Variants in SEMA5A observed in about 807,000 individuals in gnomAD.
SEMA5A encodes the protein semaphorin 5A.
SEMA5A carries 55 observed loss-of-function variants against 135.5 expected under a neutral mutation model. That is an observed-to-expected ratio of 0.41 (90% CI 0.33 to 0.51). SEMA5A has a LOEUF of 0.51. SEMA5A is among the 20% of genes least tolerant of loss of function. The pLI is 0.37. For synonymous variants in SEMA5A, 580 were observed against 546.5 expected, an observed-to-expected ratio of 1.06 and a Z score of -0.85; for missense variants, 1,290 against 1,419.9, an observed-to-expected ratio of 0.91 and a Z score of 1.47.
chr5:9,062,562 C>A (rs1401935790), intron 18 of SEMA5A, among the ~76,000 whole-genome samples: 1 of 152,152 alleles, frequency 6.6e-6, no homozygotes, highest in African/African-American at 2.4e-5. Flanking sequence ...ATCTCCTGGA[C>A]TACAGAAATC....
At chr5:9,183,793 T>C (rs994760646) in intron 11 of SEMA5A, among the ~76,000 whole-genome samples, 7 of 152,238 alleles carry the variant, frequency 4.6e-5, no homozygotes, top group Admixed American at 1.3e-4. Context: ...GTTTTTGTTC[T>C]GATTTTCTTC....
chr5:9,434,419 A>G (rs941998676), intron 2 of SEMA5A, among the ~76,000 whole-genome samples: 1 of 152,134 alleles, frequency 6.6e-6, no homozygotes, highest in Non-Finnish European at 1.5e-5. Flanking sequence ...CACTACATTA[A>G]TGCACTTTAA....
At chr5:9,326,517 G>C (rs1307458219) in intron 4 of SEMA5A, among the ~76,000 whole-genome samples, 1 of 151,826 alleles carries the variant, frequency 6.6e-6, no homozygotes, top group Non-Finnish European at 1.5e-5. Context: ...GCCTCCCAAA[G>C]TGCTGGGATT....
At chr5:9,300,186 C>T (rs1344440604) in intron 5 of SEMA5A, among the ~76,000 whole-genome samples, 1 of 152,096 alleles carries the variant, frequency 6.6e-6, no homozygotes, top group Non-Finnish European at 1.5e-5. Flanking sequence ...CCCCACCACA[C>T]CTGACTAATT....
chr5:9,057,134 T>A (rs1736936437), intron 18 of SEMA5A, among the ~76,000 whole-genome samples: 1 of 152,100 alleles, frequency 6.6e-6, no homozygotes, highest in South Asian at 2.1e-4. Context: ...GAGAGGGAAG[T>A]GGGGAATTGC....
intron 18 of SEMA5A, among the ~76,000 whole-genome samples, chr5:9,058,899 C>A (rs1253463062): frequency 6.6e-6 from 1 of 152,170 alleles, no homozygotes; most frequent in Non-Finnish European, 1.5e-5. Flanking sequence ...CTGCCCCCTG[C>A]CTGGCTCCAC....
intron 21 of SEMA5A, among the ~76,000 whole-genome samples, chr5:9,047,100 G>T (rs149852622): frequency 6.6e-6 from 1 of 152,254 alleles, no homozygotes; most frequent in South Asian, 2.1e-4. Context: ...TAACAATGAC[G>T]CTATACTTAG....
rs545852401 is a variant in SEMA5A, at chr5:9,294,947, A to G, written c.270+23425T>C. Among the ~76,000 whole-genome samples, 482 of 152,170 alleles carry G rather than the reference A, an allele frequency of 3.2e-3. 1 individual carries two copies. The highest frequency in any genetic ancestry group is 5.3e-3 in the Non-Finnish European group (360 of 67,998). ...AGAAAGTCCCACTGTAATCCTCACC[A>G]TCACTCAAGGTCACTAGCGCCAAAG... On this transcript the variant is annotated intron_variant, in intron 5 of 22. Transcript: ENST00000382496.
intron 3 of SEMA5A, among the ~76,000 whole-genome samples, chr5:9,367,670 G>A (rs1312350267): frequency 6.6e-6 from 1 of 152,092 alleles, no homozygotes; most frequent in Non-Finnish European, 1.5e-5. Flanking sequence ...AAATAACTTT[G>A]TGAGGAAAAC....
chr5:9,401,968 C>G (rs138529954), intron 2 of SEMA5A, among the ~76,000 whole-genome samples: 1 of 152,300 alleles, frequency 6.6e-6, no homozygotes, highest in African/African-American at 2.4e-5. Context: ...ACACACTTGT[C>G]TCCACTGGTC....
intron 5 of SEMA5A, among the ~76,000 whole-genome samples, chr5:9,305,732 A>ACT (rs1427230995): frequency 1.4e-4 from 12 of 85,740 alleles, no homozygotes; most frequent in African/African-American, 4.3e-4. Context: ...ATATATTTAC[A>ACT]CGCACACACA....
chr5:9,224,931 C>T, intron 7 of SEMA5A, 44 bp from the exon 8 acceptor site: 1 of 1,550,238 alleles, frequency 6.5e-7, no homozygotes, highest in Non-Finnish European at 8.8e-7. Context: ...TCTGCACAAG[C>T]CCCTTTAGTG....
At chr5:9,100,633 T>TA (rs555941475) in intron 16 of SEMA5A, among the ~76,000 whole-genome samples, 18 of 152,118 alleles carry the variant, frequency 1.2e-4, no homozygotes, top group Non-Finnish European at 1.5e-4. Flanking sequence ...TGTCGACATA[T>TA]AAAAAACCAC....
chr5:9,409,640 A>G (rs1229767766), intron 2 of SEMA5A, among the ~76,000 whole-genome samples: 1 of 152,186 alleles, frequency 6.6e-6, no homozygotes, highest in African/African-American at 2.4e-5. Flanking sequence ...CCTTCAGACC[A>G]TCTTAAGCCT....
At chr5:9,436,531 C>G (rs568196691) in intron 2 of SEMA5A, among the ~76,000 whole-genome samples, 5 of 152,166 alleles carry the variant, frequency 3.3e-5, no homozygotes, top group Admixed American at 2.6e-4. Context: ...TCCTCATAGA[C>G]GAAGCCAGGG....
intron 1 of SEMA5A, among the ~76,000 whole-genome samples, chr5:9,518,924 A>T (rs770804887): frequency 4.6e-5 from 7 of 151,778 alleles, no homozygotes; most frequent in South Asian, 2.1e-4. Context: ...AGAGCAGAAA[A>T]TTTTTTTTTA....
intron 8 of SEMA5A, among the ~76,000 whole-genome samples, chr5:9,206,598 G>A (rs757908558): frequency 3.3e-5 from 5 of 151,990 alleles, no homozygotes; most frequent in East Asian, 1.9e-4. Context: ...CAAATGGCTC[G>A]ATCTGATCAT....
chr5:9,522,345 GGCT>G (rs1736880153), intron 1 of SEMA5A, among the ~76,000 whole-genome samples: 1 of 152,214 alleles, frequency 6.6e-6, no homozygotes, highest in Non-Finnish European at 1.5e-5. Flanking sequence ...CACTTTGGGA[GGCT>G]AAGATGGGCA....
At chr5:9,443,601 G>T (rs566069881) in intron 1 of SEMA5A, among the ~76,000 whole-genome samples, 8 of 152,188 alleles carry the variant, frequency 5.3e-5, no homozygotes, top group Non-Finnish European at 1.2e-4. Flanking sequence ...GCAAATTAAC[G>T]TATTTATCAT....
Sources: gnomAD v4.1 joint callset for allele counts (sites outside exome capture counted in the v4.1 genomes callset) on GRCh38, gnomAD v4.1.1 for gene constraint, MANE v1.5 for transcripts, NCBI Gene and HGNC (gene_info 2026-07-23, HGNC 2026-07-21) for gene names.